The following ANK3 variants were observed in gnomAD, a reference collection of about 807,000 sequenced individuals.
The protein encoded by ANK3 is ankyrin 3, also known as ankyrin-3.
Under a neutral mutation model 370.9 loss-of-function variants are expected in ANK3, and 57 were observed. The ratio of observed to expected loss-of-function variants is 0.15; its 90% CI spans 0.12 to 0.19. The LOEUF (loss-of-function observed/expected upper bound fraction) is 0.19, where lower values mean the gene tolerates loss of function less well. Among genes scored for constraint, ANK3 ranks in the 10% least tolerant of loss-of-function variants. ANK3 has a pLI of 1.00. For missense variants in ANK3, 4,439 were observed against 5,302.1 expected (o/e 0.84, Z 5.06); for synonymous variants, 1,929 against 1,946.3 (o/e 0.99, Z 0.23).
In ANK3 at chr10:60,625,737, G is replaced by A. The variant is rs548844182; in HGVS notation, c.58-10513C>T. Among the ~76,000 whole-genome samples the A allele has an allele frequency of 2.0e-4, 31 of 152,172 alleles. No individual in the cohort carries two copies. In the South Asian group the frequency reaches 5.4e-3, roughly 26 times the overall value. On this transcript the variant is annotated intron_variant, in intron 1 of 43. Coordinates refer to the ANK3 transcript ENST00000373827. ...CTCATGTAGTTTTGTTTTATTTGCC[G>A]TGATACTAGAAGGTAACACACACAC...
Position 60,279,457 on chromosome 10 carries a change from A to T in ANK3, c.216+81T>A. 5 of 1,122,270 alleles carry T rather than the reference A, an allele frequency of 4.5e-6. No homozygotes were observed. In the South Asian group the frequency reaches 7.3e-5, roughly 16 times the overall value. 69.5% of individuals were successfully genotyped at this position (1,122,270 alleles called of 1,614,324 possible). On this transcript the variant is annotated intron_variant, in intron 2 of 43. Coordinates refer to ENST00000280772, the MANE Select transcript of ANK3 (RefSeq NM_020987.5). Reference sequence around the variant, plus strand: ...AAAATTCAATGGAAAAAAACCCCACAAATAAATGAAGTCTTTAAGGAGCTT... The same window carrying T: ...AAAATTCAATGGAAAAAAACCCCACTAATAAATGAAGTCTTTAAGGAGCTT...
intron 1 of ANK3, among the ~76,000 whole-genome samples, chr10:60,710,697 C>G (rs1413126868): frequency 6.6e-6 from 1 of 152,072 alleles, no homozygotes; most frequent in African/African-American, 2.4e-5. Context: ...TGGTTTATTA[C>G]AAAGAATTAG....
intron 19 of ANK3, 38 bp from the exon 20 acceptor site, chr10:60,173,036 T>C (rs769898067): frequency 1.4e-5 from 22 of 1,610,036 alleles, no homozygotes; most frequent in Non-Finnish European, 1.9e-5. Flanking sequence ...TCTTAATTCC[T>C]TTGAAGCAAA....
At chr10:60,661,841 C>T (rs1259339619) in intron 1 of ANK3, among the ~76,000 whole-genome samples, 4 of 152,126 alleles carry the variant, frequency 2.6e-5, no homozygotes, top group African/African-American at 9.7e-5. Flanking sequence ...CGTTGGGCTA[C>T]AAAAGCATTA....
At chr10:60,148,551 T>C (rs1343648382) in intron 23 of ANK3, among the ~76,000 whole-genome samples, 2 of 152,206 alleles carry the variant, frequency 1.3e-5, no homozygotes, top group Non-Finnish European at 2.9e-5. Context: ...GGACAGACTC[T>C]AAAATTCCTT....
chr10:60,692,572 G>A (rs1432811228), intron 1 of ANK3, among the ~76,000 whole-genome samples: 1 of 152,172 alleles, frequency 6.6e-6, no homozygotes, highest in Non-Finnish European at 1.5e-5. Flanking sequence ...CAATAAAAGT[G>A]CAAACCTCTT....
chr10:60,345,914 A>G (rs952092722), intron 1 of ANK3, among the ~76,000 whole-genome samples: 1 of 152,154 alleles, frequency 6.6e-6, no homozygotes, highest in Admixed American at 6.6e-5. Context: ...GGAAGATGCC[A>G]GGAAGTCTAA....
At chr10:60,563,090 T>C (rs572953177) in intron 2 of ANK3, among the ~76,000 whole-genome samples, 19 of 152,338 alleles carry the variant, frequency 1.2e-4, no homozygotes, top group African/African-American at 4.3e-4. Context: ...TTTTTCCTTT[T>C]GTTATTGATA....
intron 1 of ANK3, among the ~76,000 whole-genome samples, chr10:60,354,275 A>G (rs554840850): frequency 1.3e-5 from 2 of 152,134 alleles, no homozygotes; most frequent in Admixed American, 1.3e-4. Context: ...CCCAAGATGC[A>G]TGGCACATCT....
At chr10:60,227,997 G>A (rs989603170) in intron 8 of ANK3, among the ~76,000 whole-genome samples, 7 of 152,120 alleles carry the variant, frequency 4.6e-5, no homozygotes, top group Admixed American at 4.6e-4. Context: ...ACTTACAGCA[G>A]CTTGGTTTTG....
intron 25 of ANK3, among the ~76,000 whole-genome samples, chr10:60,123,952 GCT>G (rs1458149634): frequency 1.3e-5 from 2 of 152,102 alleles, no homozygotes; most frequent in Middle Eastern, 3.2e-3. Context: ...TTTGAATCAG[GCT>G]CTGTCACTCC....
intron 8 of ANK3, among the ~76,000 whole-genome samples, chr10:60,227,083 G>A (rs912770789): frequency 1.3e-4 from 19 of 151,676 alleles, no homozygotes; most frequent in African/African-American, 4.6e-4. Flanking sequence ...GTTCGTCTGG[G>A]CCTGATGGTA....
At chr10:60,612,580 C>A (rs2078215523) in intron 2 of ANK3, among the ~76,000 whole-genome samples, 1 of 152,166 alleles carries the variant, frequency 6.6e-6, no homozygotes, top group Non-Finnish European at 1.5e-5. Flanking sequence ...CAACCTCCGC[C>A]TCCCAGATTC....
chr10:60,112,996 A>G (rs2092820686), intron 26 of ANK3, among the ~76,000 whole-genome samples: 1 of 152,196 alleles, frequency 6.6e-6, no homozygotes, highest in African/African-American at 2.4e-5. Flanking sequence ...ACTTATATGG[A>G]TGTCAATTAT....
intron 2 of ANK3, among the ~76,000 whole-genome samples, chr10:60,590,418 C>A (rs923985201): frequency 3.3e-5 from 5 of 152,146 alleles, no homozygotes. Flanking sequence ...CACTTTACTT[C>A]TTTATGAGGC....
At chr10:60,386,981 G>A (rs573539350) in intron 1 of ANK3, among the ~76,000 whole-genome samples, 5 of 152,116 alleles carry the variant, frequency 3.3e-5, no homozygotes, top group African/African-American at 7.2e-5. Context: ...CCAACACGGC[G>A]AAACCCCATC....
At chr10:60,355,576 C>T (rs2057595470) in intron 1 of ANK3, among the ~76,000 whole-genome samples, 1 of 152,134 alleles carries the variant, frequency 6.6e-6, no homozygotes, top group South Asian at 2.1e-4. Flanking sequence ...GAAAACATTG[C>T]TCTCATTGAG....
rs781601009 is a variant in ANK3, at chr10:60,068,850, C to T, written c.12031G>A (p.Val4011Met). The change falls in exon 37 of 44, where the codon GTG (valine) becomes ATG (methionine). Residue 4011 changes from valine to methionine, a missense_variant. Val to Met is a conservative substitution (Grantham distance 21). Around this residue, in one of 13 missense-constraint regions of ANK3, gnomAD observed 496 missense variants for 529.3 expected, o/e 0.94. Transcript: ENST00000280772. ...TTTTCTTCTTCAGAGAGGCGGTCCA[C>T]AAGCTTTAAGGTCTCACCACTAATT... The part of the protein sequence containing the change: ...KGISGETLKL[V>M]DRLSEEEKKM... The T allele has an allele frequency of 5.0e-6, 8 of 1,614,046 alleles. No homozygotes were observed. Among genetic ancestry groups the T allele is most frequent in the Non-Finnish European group, 6.8e-6 (8 of 1,180,040 alleles).
rs116294378 is a variant in ANK3 at position 60,058,680 on chromosome 10, G to A, written c.12686+660C>T. ...AATCTGCATTTTAAGTTTTAATAATGAGCATATTTATGTTTGCAGTTAGGA... is the reference window on the plus strand; with the variant it reads ...AATCTGCATTTTAAGTTTTAATAATAAGCATATTTATGTTTGCAGTTAGGA... On this transcript the variant is annotated intron_variant, in intron 41 of 43. Transcript: ENST00000280772. Among the ~76,000 whole-genome samples, 231 of 152,212 alleles carry A rather than the reference G, an allele frequency of 1.5e-3. 1 individual carries two copies. The highest frequency in any genetic ancestry group is 5.3e-3 in the African/African-American group (221 of 41,534).
Sources: allele counts gnomAD v4.1 joint callset (sites outside exome capture counted in the v4.1 genomes callset), GRCh38; gene constraint gnomAD v4.1.1; regional missense constraint gnomAD v4.1.1; transcripts MANE v1.5; gene names NCBI Gene and HGNC (gene_info 2026-07-23, HGNC 2026-07-21).